Variants in SCN10A observed in about 807,000 individuals in gnomAD.
The protein encoded by SCN10A is sodium channel protein type 10 subunit alpha.
SCN10A carries 162 observed loss-of-function variants against 170.7 expected under a neutral mutation model. The observed-to-expected ratio is 0.95, with a 90% CI of 0.84 to 1.08. The LOEUF (loss-of-function observed/expected upper bound fraction) is 1.08. Among genes scored for constraint, SCN10A ranks in the 50% least tolerant of loss-of-function variants. The pLI is 0.00. For synonymous variants in SCN10A, 985 were observed against 904.6 expected (o/e 1.09, Z -1.59); for missense variants, 2,527 against 2,436.9 (o/e 1.04, Z -0.78).
At chr3:38,792,650 G>A (rs2064298060) in intron 2 of SCN10A, among the ~76,000 whole-genome samples, 1 of 152,170 alleles carries the variant, frequency 6.6e-6, no homozygotes, top group Non-Finnish European at 1.5e-5. Context: ...CTCTTGGCAT[G>A]GGAGAGGAGG....
At chr3:38,812,173 C>CTT (rs2064445271) in intron 1 of SCN10A, among the ~76,000 whole-genome samples, 1 of 152,200 alleles carries the variant, frequency 6.6e-6, no homozygotes, top group African/African-American at 2.4e-5. Context: ...AGATGATTGT[C>CTT]TTACTAATAA....
rs1347378156 is a variant in SCN10A, at chr3:38,738,517, AC to A, written c.2280+997del. On this transcript the variant is annotated intron_variant, in intron 15 of 27. Transcript: ENST00000449082. ...AGTCTCGTTGCCTCCTGAACCATGCACCCCCTTCAACCTCTGGATGCCAACA... is the reference window on the plus strand; with the variant it reads ...AGTCTCGTTGCCTCCTGAACCATGCACCCCTTCAACCTCTGGATGCCAACA... Among the ~76,000 whole-genome samples, 8 of 151,950 alleles carry A rather than the reference AC, an allele frequency of 5.3e-5. No individual in the cohort carries two copies. The East Asian group carries it at 9.7e-4, about 18-fold the overall frequency.
At chr3:38,719,797 A>G (rs1215797639) in intron 20 of SCN10A, among the ~76,000 whole-genome samples, 2 of 152,196 alleles carry the variant, frequency 1.3e-5, no homozygotes, top group African/African-American at 2.4e-5. Context: ...TCCTCCTTCA[A>G]GCACTAATCC....
chr3:38,762,458 A>G (rs2063885058), intron 6 of SCN10A, among the ~76,000 whole-genome samples: 1 of 152,108 alleles, frequency 6.6e-6, no homozygotes, highest in South Asian at 2.1e-4. Flanking sequence ...TGAGTTGAGT[A>G]AAGAGAGGAG....
At chr3:38,707,079 GTT>G (rs2125985988) in intron 26 of SCN10A, among the ~76,000 whole-genome samples, 198 bp downstream of exon 26, 1 of 152,310 alleles carries the variant, frequency 6.6e-6, no homozygotes, top group African/African-American at 2.4e-5. Context: ...TAAAAGGTAT[GTT>G]TACTCCAGAA....
chr3:38,730,738 A>C (rs2063506034), intron 15 of SCN10A, among the ~76,000 whole-genome samples: 1 of 152,174 alleles, frequency 6.6e-6, no homozygotes, highest in Non-Finnish European at 1.5e-5. Flanking sequence ...AAATATTATG[A>C]AGAAGGTTTG....
intron 11 of SCN10A, among the ~76,000 whole-genome samples, chr3:38,752,949 A>C (rs1222822528): frequency 6.6e-6 from 1 of 152,220 alleles, no homozygotes; most frequent in African/African-American, 2.4e-5. Flanking sequence ...GTGGTTGTTG[A>C]ATGAATAAGT....
chr3:38,794,311 C>T (rs1032840451), intron 1 of SCN10A, among the ~76,000 whole-genome samples: 13 of 152,122 alleles, frequency 8.5e-5, no homozygotes, highest in Non-Finnish European at 1.8e-4. Flanking sequence ...CACTTTGTAC[C>T]ATCCTACCAC....
At chr3:38,758,928 T>C (rs1405099667) in intron 8 of SCN10A, among the ~76,000 whole-genome samples, 1 of 152,178 alleles carries the variant, frequency 6.6e-6, no homozygotes, top group Non-Finnish European at 1.5e-5. Flanking sequence ...AGAAGGATGC[T>C]GAGGGGCTCT....
intron 4 of SCN10A, among the ~76,000 whole-genome samples, chr3:38,787,090 T>A (rs1279834615): frequency 2.6e-5 from 4 of 152,182 alleles, no homozygotes; most frequent in African/African-American, 9.6e-5. Context: ...AAATATTGAT[T>A]TGAGGATCAT....
chr3:38,765,858 T>G (rs576996766), intron 5 of SCN10A, among the ~76,000 whole-genome samples: 1 of 152,220 alleles, frequency 6.6e-6, no homozygotes, highest in Non-Finnish European at 1.5e-5. Flanking sequence ...GAGCATGGGA[T>G]GTGTTCCCAT....
chr3:38,750,012 G>T, intron 13 of SCN10A, 61 bp downstream of exon 13: 1 of 911,952 alleles, frequency 1.1e-6, no homozygotes. Flanking sequence ...CATTGCTTCT[G>T]CTGCTCACAT....
intron 4 of SCN10A, among the ~76,000 whole-genome samples, chr3:38,774,283 G>C (rs1202134908): frequency 6.6e-6 from 1 of 152,158 alleles, no homozygotes; most frequent in Non-Finnish European, 1.5e-5. Context: ...GGGAAGCTTT[G>C]ATGGATATTT....
At position 38,737,120 on chromosome 3, in the gene SCN10A, G is replaced by A. The variant is rs551054474; in HGVS notation, c.2280+2395C>T. ...CGAGTAGCTGGGACTACAGGCGCCC[G>A]CCACCGTGCCCGGCTAATTTTTTGT... On this transcript the variant is annotated intron_variant, in intron 15 of 27. Coordinates refer to ENST00000449082, the MANE Select transcript of SCN10A (RefSeq NM_006514.4). 4.9e-4 allele frequency among the ~76,000 whole-genome samples: 73 copies of A among 149,872 alleles called. 1 individual carries two copies. In the South Asian group the frequency reaches 0.011, roughly 23 times the overall value.
chr3:38,773,484 G>A (rs2064034619), intron 4 of SCN10A, among the ~76,000 whole-genome samples: 1 of 152,154 alleles, frequency 6.6e-6, no homozygotes, highest in Non-Finnish European at 1.5e-5. Context: ...TACTCTAGCT[G>A]TGATTCCCAT....
intron 1 of SCN10A, among the ~76,000 whole-genome samples, chr3:38,810,135 T>C (rs1415253258): frequency 6.6e-6 from 1 of 152,262 alleles, no homozygotes; most frequent in Admixed American, 6.5e-5. Context: ...GTATGGTTGT[T>C]AATCTTCTTA....
rs1273222509 is a variant in SCN10A, at chr3:38,697,171, T to C, written c.*178A>G. 1.1e-6 allele frequency: 1 copy of C among 909,060 alleles called. No homozygotes were observed. Among genetic ancestry groups the C allele is most frequent in the Non-Finnish European group, 1.6e-6 (1 of 621,708 alleles). 56.3% of individuals were successfully genotyped at this position (909,060 alleles called of 1,614,324 possible). A position where few individuals can be genotyped will look rare whatever the true frequency, so the allele number is the denominator to read the frequency against. On this transcript the variant is annotated 3_prime_UTR_variant, in exon 28 of 28. Transcript: ENST00000449082. ...GTGCTCTTAGCTTCTGACTCCTATT[T>C]GTGTATGATGGTTTTTTCAAAGGTG... is the stretch of plus-strand genomic sequence containing the variant.
At chr3:38,791,987 T>C (rs2064287315) in intron 3 of SCN10A, 63 bp downstream of exon 3, 1 of 1,590,146 alleles carries the variant, frequency 6.3e-7, no homozygotes, top group Admixed American at 1.7e-5. Context: ...CTAAAGAAGG[T>C]ACTGGACACA....
chr3:38,742,546 T>C lies in SCN10A; in HGVS notation c.1868-17A>G. ...CCTCGAGTTCTGCATTATAGTGTGG[T>C]CAATGACAGCTGTCAGCCATGTGTC... On this transcript the variant is annotated splice_polypyrimidine_tract_variant and intron_variant, in intron 13 of 27. Transcript: ENST00000449082. 1 of 1,598,698 alleles carries C rather than the reference T, an allele frequency of 6.3e-7. No homozygotes were observed. The highest frequency in any genetic ancestry group is 8.6e-7 in the Non-Finnish European group (1 of 1,166,220).
Sources: allele counts gnomAD v4.1 joint callset (sites outside exome capture counted in the v4.1 genomes callset), GRCh38; gene constraint gnomAD v4.1.1; transcripts MANE v1.5; gene names NCBI Gene and HGNC (gene_info 2026-07-23, HGNC 2026-07-21).